ANKRD12: variants seen among roughly 807,000 people sequenced by gnomAD.
The protein encoded by ANKRD12 is ankyrin repeat domain-containing protein 12.
In ANKRD12, 85 loss-of-function variants were observed where a neutral mutation model predicts 183.4. The observed-to-expected ratio is 0.46, with a 90% CI of 0.39 to 0.56. The LOEUF is 0.56. ANKRD12 is among the 20% of genes least tolerant of loss of function. The probability of loss-of-function intolerance (pLI) is 0.00; values close to 1 mark genes in which losing one functional copy is unlikely to be tolerated. For missense variants in ANKRD12, 2,405 were observed against 2,357.1 expected (o/e 1.02, Z -0.42); for synonymous variants, 914 against 800.2 (o/e 1.14, Z -2.40).
intron 1 of ANKRD12, among the ~76,000 whole-genome samples, chr18:9,140,492 T>C (rs1373768683): frequency 6.6e-6 from 1 of 152,248 alleles, no homozygotes; most frequent in Non-Finnish European, 1.5e-5. Flanking sequence ...GAAAATATTC[T>C]CATGTATACT....
rs779487688 is a variant in ANKRD12 at position 9,258,649 on chromosome 18, G to C, written c.5382G>C (p.Gln1794His). Reference protein sequence around the residue: ...PRKRKVSRVPQPVQVSPSLLQ... With the variant: ...PRKRKVSRVPHPVQVSPSLLQ... ...AAAGGAAAGTGTCACGTGTACCTCA[G>C]CCTGTGCAAGTGAGTCCCTCTTTAC... Residue 1794 changes from glutamine (Q) to histidine (H), a missense_variant, in exon 9 of 13, where the codon CAG (glutamine) becomes CAC (histidine). Coordinates refer to ENST00000262126, the MANE Select transcript of ANKRD12 (RefSeq NM_015208.5). 3.7e-6 allele frequency: 6 copies of C among 1,613,898 alleles called. No homozygotes were observed. The highest frequency in any genetic ancestry group is 1.7e-5 in the Admixed American group (1 of 59,976).
chr18:9,146,579 G>A (rs1307408315), intron 1 of ANKRD12, among the ~76,000 whole-genome samples: 3 of 152,180 alleles, frequency 2.0e-5, no homozygotes, highest in African/African-American at 7.2e-5. Context: ...CATTGATGTT[G>A]GAGTTTTCAG....
intron 7 of ANKRD12, among the ~76,000 whole-genome samples, chr18:9,220,790 A>G (rs749431893): frequency 1.3e-5 from 2 of 152,218 alleles, no homozygotes; most frequent in Non-Finnish European, 2.9e-5. Flanking sequence ...TTCAGAGTGG[A>G]TAAGTTCTCC....
At chr18:9,169,008 G>T (rs991143036) in intron 1 of ANKRD12, among the ~76,000 whole-genome samples, 1 of 151,936 alleles carries the variant, frequency 6.6e-6, no homozygotes, top group African/African-American at 2.4e-5. Flanking sequence ...AGGTTGTTCA[G>T]TTTCCATGTA....
chr18:9,273,753 A>G (rs1256532301), intron 10 of ANKRD12, among the ~76,000 whole-genome samples: 3 of 152,218 alleles, frequency 2.0e-5, no homozygotes, highest in Non-Finnish European at 4.4e-5. Context: ...GTTGACCTCC[A>G]CCATCTTAAG....
intron 8 of ANKRD12, chr18:9,235,510 C>T (rs2037294314): frequency 6.9e-6 from 2 of 287,770 alleles, no homozygotes; most frequent in African/African-American, 2.2e-5. Flanking sequence ...CATTGAATAT[C>T]AACAGTTGCT....
chr18:9,220,636 G>A (rs2144738031), intron 7 of ANKRD12, among the ~76,000 whole-genome samples: 1 of 152,270 alleles, frequency 6.6e-6, no homozygotes, highest in Admixed American at 6.5e-5. Context: ...GGTCCTGTTG[G>A]TTTTATGCTT....
At chr18:9,277,332 T>C (rs868125688) in intron 11 of ANKRD12, among the ~76,000 whole-genome samples, 1 of 146,160 alleles carries the variant, frequency 6.8e-6, no homozygotes, top group Non-Finnish European at 1.5e-5. Context: ...TTTTTTTTTT[T>C]TTTTTTTTTT....
chr18:9,158,533 A>G (rs1385511814), intron 1 of ANKRD12, among the ~76,000 whole-genome samples: 4 of 152,198 alleles, frequency 2.6e-5, no homozygotes, highest in African/African-American at 9.7e-5. Flanking sequence ...GGCTGGGGTT[A>G]TGGCTTTGAG....
chr18:9,213,187 T>A (rs2035903694), intron 6 of ANKRD12, among the ~76,000 whole-genome samples: 1 of 151,978 alleles, frequency 6.6e-6, no homozygotes, highest in Non-Finnish European at 1.5e-5. Flanking sequence ...ATTTGGTTTC[T>A]GTTTTGTTTT....
chr18:9,150,154 G>T (rs572224054), intron 1 of ANKRD12, among the ~76,000 whole-genome samples: 4 of 152,122 alleles, frequency 2.6e-5, no homozygotes, highest in Non-Finnish European at 5.9e-5. Flanking sequence ...TTCCCGAAAG[G>T]TATAATATTT....
chr18:9,213,110 A>G (rs1488449664), intron 6 of ANKRD12, among the ~76,000 whole-genome samples: 1 of 151,754 alleles, frequency 6.6e-6, no homozygotes, highest in Non-Finnish European at 1.5e-5. Context: ...TTGGTTTGGT[A>G]TTTTATTTAA....
intron 5 of ANKRD12, among the ~76,000 whole-genome samples, chr18:9,210,531 G>A (rs1268959342): frequency 2.0e-5 from 3 of 151,826 alleles, no homozygotes; most frequent in Admixed American, 6.6e-5. Context: ...GACCAGCCTG[G>A]CCAACATGGT....
chr18:9,266,917 G>A (rs1185016490), intron 10 of ANKRD12, among the ~76,000 whole-genome samples: 3 of 152,172 alleles, frequency 2.0e-5, no homozygotes, highest in Non-Finnish European at 4.4e-5. Flanking sequence ...AAGTGATGGA[G>A]GAAGATCTAT....
chr18:9,238,509 ACAT>A (rs1198475853), intron 8 of ANKRD12, among the ~76,000 whole-genome samples: 1 of 152,166 alleles, frequency 6.6e-6, no homozygotes, highest in Non-Finnish European at 1.5e-5. Context: ...AATTAGTGTA[ACAT>A]CATTCATCTG....
chr18:9,170,607 G>A (rs1276947929), intron 1 of ANKRD12, among the ~76,000 whole-genome samples: 2 of 152,080 alleles, frequency 1.3e-5, no homozygotes, highest in East Asian at 1.9e-4. Context: ...TTATCCATTC[G>A]TCAATTTTTT....
chr18:9,176,444 C>G (rs1307575431), intron 1 of ANKRD12, among the ~76,000 whole-genome samples: 2 of 151,870 alleles, frequency 1.3e-5, no homozygotes, highest in African/African-American at 2.4e-5. Flanking sequence ...GCACATACCA[C>G]CATGGCCAGC....
chr18:9,215,465 C>T (rs185822043), intron 6 of ANKRD12, among the ~76,000 whole-genome samples: 51 of 152,158 alleles, frequency 3.4e-4, no homozygotes, highest in African/African-American at 1.2e-3. Flanking sequence ...CTTTTAGTGT[C>T]CTCTGGCCTC....
chr18:9,243,481 A>C (rs1394648881), intron 8 of ANKRD12, among the ~76,000 whole-genome samples: 2 of 152,200 alleles, frequency 1.3e-5, no homozygotes, highest in Non-Finnish European at 2.9e-5. Flanking sequence ...GCATGAACAA[A>C]CACAACGGTT....
Sources: allele counts gnomAD v4.1 joint callset (sites outside exome capture counted in the v4.1 genomes callset), GRCh38; gene constraint gnomAD v4.1.1; transcripts MANE v1.5; gene names NCBI Gene and HGNC (gene_info 2026-07-23, HGNC 2026-07-21).